The following MAGI2 variants were observed in gnomAD, a reference collection of about 807,000 sequenced individuals.
The protein encoded by MAGI2 is membrane associated guanylate kinase, WW and PDZ domain containing 2, also known as membrane-associated guanylate kinase, WW and PDZ domain-containing protein 2.
In MAGI2, 35 loss-of-function variants were observed where a neutral mutation model predicts 133.3. The observed-to-expected ratio is 0.26, with a 90% CI of 0.20 to 0.35. The LOEUF (loss-of-function observed/expected upper bound fraction) is 0.35, where lower values mean the gene tolerates loss of function less well. Ranked by LOEUF, MAGI2 falls within the 10% of genes least tolerant of loss-of-function variation. The probability of loss-of-function intolerance (pLI) is 1.00; values close to 1 mark genes in which losing one functional copy is unlikely to be tolerated. For synonymous variants in MAGI2, 729 were observed against 710.6 expected, an observed-to-expected ratio of 1.03 and a Z score of -0.41; for missense variants, 1,636 against 1,863.4, an observed-to-expected ratio of 0.88 and a Z score of 2.25.
chr7:78,173,498 G>T (rs1007848538), intron 14 of MAGI2, among the ~76,000 whole-genome samples: 1 of 152,172 alleles, frequency 6.6e-6, no homozygotes, highest in Non-Finnish European at 1.5e-5. Flanking sequence ...GAGCCAAGGG[G>T]TCCAATAAAT....
At chr7:79,126,779 A>C (rs1209267169) in intron 1 of MAGI2, among the ~76,000 whole-genome samples, 1 of 151,642 alleles carries the variant, frequency 6.6e-6, no homozygotes, top group African/African-American at 2.4e-5. Flanking sequence ...TTTTTAAAAA[A>C]TGTTTTGTAC....
intron 3 of MAGI2, among the ~76,000 whole-genome samples, chr7:78,559,461 G>A (rs1238466040): frequency 3.9e-5 from 6 of 152,092 alleles, no homozygotes; most frequent in Admixed American, 3.9e-4. Flanking sequence ...GGTATTTTCT[G>A]TGGAGCTCAT....
chr7:78,410,957 ATCG>A (rs1320871383), intron 6 of MAGI2, among the ~76,000 whole-genome samples: 1 of 152,050 alleles, frequency 6.6e-6, no homozygotes. Context: ...TAAAGATGTT[ATCG>A]TTGATGGTCA....
intron 1 of MAGI2, among the ~76,000 whole-genome samples, chr7:79,016,492 C>G (rs568873845): frequency 1.3e-5 from 2 of 152,180 alleles, no homozygotes; most frequent in South Asian, 4.2e-4. Context: ...ATAGAGTGTC[C>G]CTGCAAACAT....
chr7:78,435,403 G>A (rs113878474), intron 6 of MAGI2, among the ~76,000 whole-genome samples: 3 of 152,184 alleles, frequency 2.0e-5, no homozygotes, highest in African/African-American at 4.8e-5. Context: ...TTCCTTTACA[G>A]AGGACCAATG....
At chr7:79,142,428 A>G (rs928948927) in intron 1 of MAGI2, among the ~76,000 whole-genome samples, 3 of 152,196 alleles carry the variant, frequency 2.0e-5, no homozygotes, top group Non-Finnish European at 2.9e-5. Context: ...TTTCTTTAAC[A>G]GGAAAAAATG....
At chr7:78,275,782 A>G (rs1795003280) in intron 9 of MAGI2, among the ~76,000 whole-genome samples, 1 of 152,218 alleles carries the variant, frequency 6.6e-6, no homozygotes, top group Non-Finnish European at 1.5e-5. Context: ...GTTAACTGAC[A>G]GTCGGTTGGA....
chr7:78,358,934 A>G (rs2151228179), intron 7 of MAGI2: 1 of 153,196 alleles, frequency 6.5e-6, no homozygotes, highest in South Asian at 2.1e-4. Context: ...TGCCATTGCG[A>G]CCTTGGGATA....
intron 1 of MAGI2, among the ~76,000 whole-genome samples, chr7:79,051,436 A>T (rs1562833758): frequency 6.6e-6 from 1 of 152,148 alleles, no homozygotes; most frequent in Non-Finnish European, 1.5e-5. Flanking sequence ...TCTTTATTAT[A>T]ATTCTTATTT....
intron 1 of MAGI2, among the ~76,000 whole-genome samples, chr7:79,335,304 T>A (rs1318681217): frequency 6.6e-6 from 1 of 152,114 alleles, no homozygotes; most frequent in African/African-American, 2.4e-5. Flanking sequence ...CTTTGCACAG[T>A]GCTTGAGTGA....
chr7:78,529,668 G>GTTTGTTTT (rs1797279474), intron 3 of MAGI2, among the ~76,000 whole-genome samples: 1 of 57,382 alleles, frequency 1.7e-5, no homozygotes, highest in Non-Finnish European at 3.5e-5. Context: ...AAAGGAGATG[G>GTTTGTTTT]TTTTTTTTTT....
intron 2 of MAGI2, among the ~76,000 whole-genome samples, chr7:78,883,008 C>T (rs191012532): frequency 6.6e-6 from 1 of 152,058 alleles, no homozygotes; most frequent in South Asian, 2.1e-4. Flanking sequence ...CTAGCCAGAA[C>T]AATCAGGCAA....
intron 16 of MAGI2, among the ~76,000 whole-genome samples, chr7:78,154,537 C>T (rs1374740847): frequency 6.6e-6 from 1 of 152,186 alleles, no homozygotes; most frequent in East Asian, 1.9e-4. Flanking sequence ...TGACCACTGT[C>T]CTGAATATGT....
chr7:79,225,558 T>C (rs189207539), intron 1 of MAGI2, among the ~76,000 whole-genome samples: 4 of 152,332 alleles, frequency 2.6e-5, no homozygotes, highest in African/African-American at 9.6e-5. Flanking sequence ...GGCAAAATGT[T>C]TGTGAGAGAT....
At chr7:78,220,841 C>T (rs1788752050) in intron 10 of MAGI2, among the ~76,000 whole-genome samples, 1 of 152,158 alleles carries the variant, frequency 6.6e-6, no homozygotes, top group South Asian at 2.1e-4. Flanking sequence ...CCTTATTGTC[C>T]TGCTGTGTTA....
At chr7:79,441,570 T>C (rs1848497883) in intron 1 of MAGI2, among the ~76,000 whole-genome samples, 1 of 152,164 alleles carries the variant, frequency 6.6e-6, no homozygotes, top group South Asian at 2.1e-4. Flanking sequence ...CATTCCTTTT[T>C]TCAAGCCAGA....
chr7:78,864,487 G>A (rs996172642), intron 2 of MAGI2, among the ~76,000 whole-genome samples: 1 of 152,176 alleles, frequency 6.6e-6, no homozygotes, highest in African/African-American at 2.4e-5. Context: ...TGGTGAATGG[G>A]TTAAATTGCT....
chr7:79,434,890 A>G (rs1232032089), intron 1 of MAGI2, among the ~76,000 whole-genome samples: 2 of 152,228 alleles, frequency 1.3e-5, no homozygotes, highest in Non-Finnish European at 2.9e-5. Context: ...TCATTCAATT[A>G]GTAGAAAGCC....
chr7:78,483,697 A>C (rs1792667753), intron 6 of MAGI2, among the ~76,000 whole-genome samples: 1 of 151,928 alleles, frequency 6.6e-6, no homozygotes, highest in Non-Finnish European at 1.5e-5. Context: ...ACCCGAAAAG[A>C]CTGGAAAGGG....
Sources: allele counts gnomAD v4.1 joint callset (sites outside exome capture counted in the v4.1 genomes callset), GRCh38; gene constraint gnomAD v4.1.1; transcripts MANE v1.5; gene names NCBI Gene and HGNC (gene_info 2026-07-23, HGNC 2026-07-21).